LRRK2: variants seen among roughly 807,000 people sequenced by gnomAD.
LRRK2 encodes the protein leucine rich repeat kinase 2.
A neutral mutation model predicts 302.6 loss-of-function variants in LRRK2; 203 were observed. That is an observed-to-expected ratio of 0.67 (90% CI 0.60 to 0.75). The LOEUF is 0.75. Ranked by LOEUF, LRRK2 falls within the 30% of genes least tolerant of loss-of-function variation. The pLI, the probability that LRRK2 is intolerant of heterozygous loss-of-function variation, is 0.00. For synonymous variants in LRRK2, 1,066 were observed against 1,031.9 expected (o/e 1.03, Z -0.63); for missense variants, 2,830 against 2,951.0 (o/e 0.96, Z 0.95).
intron 5 of LRRK2, 148 bp downstream of exon 5, chr12:40,238,251 G>A: frequency 1.2e-6 from 1 of 800,308 alleles, no homozygotes; most frequent in Non-Finnish European, 1.9e-6. Flanking sequence ...GGTGAGGAAT[G>A]GGGTTAATTC....
chr12:40,334,141 G>T (rs1264009602), intron 39 of LRRK2, among the ~76,000 whole-genome samples: 3 of 152,162 alleles, frequency 2.0e-5, no homozygotes, highest in Non-Finnish European at 2.9e-5. Flanking sequence ...TACCTCATAT[G>T]CCAGTTGCAG....
At chr12:40,313,325 T>C (rs1945096740) in intron 31 of LRRK2, among the ~76,000 whole-genome samples, 1 of 152,016 alleles carries the variant, frequency 6.6e-6, no homozygotes. Flanking sequence ...TTTTATATAT[T>C]TCTCATTTTG....
intron 32 of LRRK2, among the ~76,000 whole-genome samples, 167 bp downstream of exon 32, chr12:40,314,340 C>T (rs1945139085): frequency 6.6e-6 from 1 of 151,988 alleles, no homozygotes; most frequent in South Asian, 2.1e-4. Context: ...GTGTTCATGA[C>T]AAATCATGTA....
At chr12:40,328,545 C>A in intron 39 of LRRK2, 85 bp downstream of exon 39, 1 of 1,005,956 alleles carries the variant, frequency 9.9e-7, no homozygotes, top group Non-Finnish European at 1.5e-6. Context: ...TGTGAAAATG[C>A]AAAATAATGA....
intron 28 of LRRK2, among the ~76,000 whole-genome samples, chr12:40,307,674 A>G (rs1432748398): frequency 6.6e-6 from 1 of 151,950 alleles, no homozygotes. Flanking sequence ...TGACCCTATT[A>G]TCAAGCTTTA....
In LRRK2 at chr12:40,283,880, T is replaced by C; in HGVS notation, c.2247T>C (p.Cys749=). ...TAATTTTTTTTCTTTAATAGGTATGTGAGAAAGAGAGCAGTCCCAAATTGG... is the reference window on the plus strand; with the variant it reads ...TAATTTTTTTTCTTTAATAGGTATGCGAGAAAGAGAGCAGTCCCAAATTGG... ...KEGSSLICQV[C]EKESSPKLVE... Residue 749 remains cysteine (C), a synonymous_variant, in exon 19 of 51, where the codon TGT becomes TGC. Transcript: ENST00000298910. 10 of 1,611,984 alleles carry C rather than the reference T, an allele frequency of 6.2e-6. No homozygotes were observed. The highest frequency in any genetic ancestry group is 8.5e-6 in the Non-Finnish European group (10 of 1,178,642).
chr12:40,235,566 A>G, intron 3 of LRRK2, 60 bp from the exon 4 acceptor site: 1 of 1,174,972 alleles, frequency 8.5e-7, no homozygotes. Flanking sequence ...AAAAATGCAA[A>G]TAAGCAAACT....
At chr12:40,283,327 G>C (rs963037611) in intron 18 of LRRK2, among the ~76,000 whole-genome samples, 1 of 152,180 alleles carries the variant, frequency 6.6e-6, no homozygotes, top group Non-Finnish European at 1.5e-5. Flanking sequence ...AAGACTGAGA[G>C]ACAAGGTATA....
At chr12:40,346,248 C>A (rs1348786366) in intron 41 of LRRK2, among the ~76,000 whole-genome samples, 1 of 151,420 alleles carries the variant, frequency 6.6e-6, no homozygotes, top group Non-Finnish European at 1.5e-5. Flanking sequence ...GTAGAAGGAG[C>A]AGAGAGACAA....
At chr12:40,272,269 C>CT (rs1380455542) in intron 14 of LRRK2, among the ~76,000 whole-genome samples, 1 of 152,026 alleles carries the variant, frequency 6.6e-6, no homozygotes, top group Non-Finnish European at 1.5e-5. Context: ...GACAATCTGA[C>CT]TTTTTTTTGT....
chr12:40,254,955 G>A (rs1165733026), intron 11 of LRRK2, among the ~76,000 whole-genome samples: 1 of 152,174 alleles, frequency 6.6e-6, no homozygotes, highest in Non-Finnish European at 1.5e-5. Context: ...GGTGTGCAGA[G>A]CTGAGCATGG....
rs201215607 is a variant in LRRK2, at chr12:40,351,687, G to C, written c.6530G>C (p.Gly2177Ala). ...IWLGCGHTDRGQLSFLDLNTE... is the reference protein window; with the variant it reads ...IWLGCGHTDRAQLSFLDLNTE... The stretch of plus-strand genomic sequence containing the variant: ...CTGGGCTGTGGGCACACCGACAGAG[G>C]ACAGCTCTCATTTCTTGACTTAAAT... Residue 2177 changes from glycine to alanine, a missense_variant, in exon 44 of 51, where the codon GGA becomes GCA. Gly to Ala is a moderately conservative substitution (Grantham distance 60). Transcript: ENST00000298910. 2.5e-6 allele frequency: 4 copies of C among 1,614,160 alleles called. No individual in the cohort carries two copies. The highest frequency in any genetic ancestry group is 3.4e-6 in the Non-Finnish European group (4 of 1,180,022).
intron 25 of LRRK2, 90 bp from the exon 26 acceptor site, chr12:40,302,699 G>C (rs1392775215): frequency 3.3e-6 from 3 of 899,374 alleles, no homozygotes; most frequent in Non-Finnish European, 5.5e-6. Context: ...CAAATTAAGT[G>C]ACACACTATT....
At chr12:40,355,629 A>G (rs1232287937) in intron 45 of LRRK2, among the ~76,000 whole-genome samples, 1 of 146,634 alleles carries the variant, frequency 6.8e-6, no homozygotes, top group Non-Finnish European at 1.5e-5. Flanking sequence ...TGCAACTTCC[A>G]CCTCCTAAGT....
Position 40,322,535 on chromosome 12 carries a change from T to C in LRRK2, c.5509+25T>C, listed in dbSNP as rs948858672. ...GGTATGTTTTGATACAACTTACAAA[T>C]GCTTTTAAGTGATCCTTCAATACTT... On this transcript the variant is annotated intron_variant, in intron 37 of 50. Coordinates refer to ENST00000298910, the MANE Select transcript of LRRK2 (RefSeq NM_198578.4). 4.4e-6 allele frequency: 7 copies of C among 1,582,914 alleles called. No homozygotes were observed. The African/African-American group carries it at 6.7e-5, about 15-fold the overall frequency.
At chr12:40,236,065 CT>C (rs1941453299) in intron 4 of LRRK2, among the ~76,000 whole-genome samples, 1 of 152,126 alleles carries the variant, frequency 6.6e-6, no homozygotes, top group Non-Finnish European at 1.5e-5. Context: ...CTCCCAAAAT[CT>C]GGACCTACAT....
chr12:40,250,263 G>A lies in LRRK2; in HGVS notation c.958+318G>A, dbSNP rs1033911368. Among the ~76,000 whole-genome samples the A allele has an allele frequency of 6.6e-5, 10 of 152,106 alleles. 1 individual carries two copies. Among genetic ancestry groups the A allele is most frequent in the Admixed American group, 3.9e-4 (6 of 15,262 alleles). ...TCTCAGAACTTTGGGAGGCCGAGGCGGGTGGATCACAAGGTCAGGAGTTCG... is the reference window on the plus strand; with the variant it reads ...TCTCAGAACTTTGGGAGGCCGAGGCAGGTGGATCACAAGGTCAGGAGTTCG... On this transcript the variant is annotated intron_variant, in intron 8 of 50. Coordinates refer to ENST00000298910, the MANE Select transcript of LRRK2 (RefSeq NM_198578.4).
chr12:40,263,039 T>C (rs1942845918), intron 13 of LRRK2, among the ~76,000 whole-genome samples: 1 of 152,202 alleles, frequency 6.6e-6, no homozygotes, highest in Non-Finnish European at 1.5e-5. Flanking sequence ...CTTAAATAAA[T>C]GAAAAGCCTG....
chr12:40,286,089 C>T (rs1455097094), intron 19 of LRRK2, among the ~76,000 whole-genome samples: 1 of 151,902 alleles, frequency 6.6e-6, no homozygotes, highest in Non-Finnish European at 1.5e-5. Flanking sequence ...TTATCATTCA[C>T]TATATTCTCT....
Sources: gnomAD v4.1 joint callset for allele counts (sites outside exome capture counted in the v4.1 genomes callset) on GRCh38, gnomAD v4.1.1 for gene constraint, MANE v1.5 for transcripts, NCBI Gene and HGNC (gene_info 2026-07-23, HGNC 2026-07-21) for gene names.